SLC2A8: variants seen among roughly 807,000 people sequenced by gnomAD.
The protein encoded by SLC2A8 is solute carrier family 2, facilitated glucose transporter member 8.
SLC2A8 carries 53 observed loss-of-function variants against 49.2 expected under a neutral mutation model. The observed-to-expected ratio is 1.08, with a 90% CI of 0.86 to 1.35. The LOEUF (loss-of-function observed/expected upper bound fraction) is 1.35, where lower values mean the gene tolerates loss of function less well. Ranked by LOEUF, SLC2A8 falls within the 40% of genes most tolerant of loss-of-function variation. The pLI, the probability that SLC2A8 is intolerant of heterozygous loss-of-function variation, is 0.00. For missense variants in SLC2A8, 688 were observed against 671.7 expected, an observed-to-expected ratio of 1.02 and a Z score of -0.27; for synonymous variants, 299 against 297.0, an observed-to-expected ratio of 1.01 and a Z score of -0.07.
rs1408062991 is a variant in SLC2A8, at chr9:127,397,199, C to G, written c.-32C>G. ...CGCAGGGCCCGTGGCGGTTCAGGCGCCAGAGCTGGCCGATCGGCGTTGGCC... is the reference window on the plus strand; with the variant it reads ...CGCAGGGCCCGTGGCGGTTCAGGCGGCAGAGCTGGCCGATCGGCGTTGGCC... On this transcript the variant is annotated 5_prime_UTR_variant, in exon 1 of 10. Transcript: ENST00000373371. 2 of 1,452,054 alleles carry G rather than the reference C, an allele frequency of 1.4e-6. No homozygotes were observed. Among genetic ancestry groups the G allele is most frequent in the East Asian group, 3.0e-5 (1 of 33,186 alleles). 89.9% of individuals were successfully genotyped at this position (1,452,054 alleles called of 1,614,324 possible).
rs1303627931 is a variant in SLC2A8 at position 127,407,866 on chromosome 9, C to G, written c.*617C>G. On this transcript the variant is annotated 3_prime_UTR_variant, in exon 10 of 10. Coordinates refer to ENST00000373371, the MANE Select transcript of SLC2A8 (RefSeq NM_014580.5). The stretch of plus-strand genomic sequence containing the variant: ...AATCTTGTTGAGTTTAAAAAATAAA[C>G]AGCAAAAAAAAACAAAACAAAACAA... 8.5e-6 allele frequency: 1 copy of G among 118,276 alleles called. No homozygotes were observed. Among genetic ancestry groups the G allele is most frequent in the Non-Finnish European group, 1.8e-5 (1 of 55,200 alleles). The allele number at this position is 118,276 out of a possible 1,614,324, so 7.3% of individuals were successfully genotyped here.
chr9:127,405,562 C>T lies in SLC2A8; in HGVS notation c.1293C>T (p.Leu431=), dbSNP rs1228683445. Residue 431 remains leucine (L), a synonymous_variant, in exon 9 of 10, where the codon CTC becomes CTT. Coordinates refer to ENST00000373371, the MANE Select transcript of SLC2A8 (RefSeq NM_014580.5). ...AFLVTKEFSS[L]MEVLRPYGAF... is the part of the protein sequence containing the mutation. ...TCGTGACCAAGGAGTTCAGCAGCCT[C>T]ATGGTGAGGGCAGGCTCCACCAGCA... 6.2e-6 allele frequency: 10 copies of T among 1,612,994 alleles called. No homozygotes were observed. In the Admixed American group the frequency reaches 1.0e-4, roughly 16 times the overall value.
At chr9:127,405,173 C>T (rs1402887405) in intron 8 of SLC2A8, among the ~76,000 whole-genome samples, 182 bp downstream of exon 8, 2 of 152,234 alleles carry the variant, frequency 1.3e-5, no homozygotes, top group Non-Finnish European at 2.9e-5. Flanking sequence ...GTTCCTTTCA[C>T]TTAATCCCCT....
In SLC2A8 at chr9:127,404,185, C is replaced by T. The variant is rs560282498; in HGVS notation, c.976+118C>T. On this transcript the variant is annotated intron_variant, in intron 7 of 9. Transcript: ENST00000373371. The stretch of plus-strand genomic sequence containing the variant: ...TGATGACAAACATCATGGACTAATG[C>T]GGCCATGATTTGACAGCAGCTTGTC... The T allele has an allele frequency of 4.0e-5, 28 of 698,270 alleles. 2 individuals carry two copies. The highest frequency in any genetic ancestry group is 3.4e-4 in the South Asian group (18 of 53,296). 43.3% of individuals were successfully genotyped at this position (698,270 alleles called of 1,614,324 possible).
chr9:127,402,393 G>C, intron 4 of SLC2A8, 164 bp from the exon 5 acceptor site: 1 of 1,131,800 alleles, frequency 8.8e-7, no homozygotes, highest in South Asian at 1.9e-5. Context: ...CGTGCCATGT[G>C]CCTTCATGAA....
chr9:127,407,434 A>G lies in SLC2A8; in HGVS notation c.*185A>G. ...TAGGAGGCTCACTGCCTCCTGTTCC[A>G]GCTCCTGCTGCTGCTCTGAGGACTC... On this transcript the variant is annotated 3_prime_UTR_variant, in exon 10 of 10. Coordinates refer to ENST00000373371, the MANE Select transcript of SLC2A8 (RefSeq NM_014580.5). 2 of 756,468 alleles carry G rather than the reference A, an allele frequency of 2.6e-6. No individual in the cohort carries two copies. Among genetic ancestry groups the G allele is most frequent in the Non-Finnish European group, 4.7e-6 (2 of 424,534 alleles). 46.9% of individuals were successfully genotyped at this position (756,468 alleles called of 1,614,324 possible).
intron 3 of SLC2A8, among the ~76,000 whole-genome samples, chr9:127,398,833 G>C (rs969236479): frequency 8.5e-5 from 13 of 152,194 alleles, no homozygotes; most frequent in Admixed American, 5.9e-4. Context: ...ACTGGATCCT[G>C]ACAGCTTGGT....
rs1314664232 is a variant in SLC2A8, at chr9:127,398,030, C to T, written c.345C>T (p.Thr115=). The T allele has an allele frequency of 1.3e-6, 2 of 1,579,810 alleles. No individual in the cohort carries two copies. Among genetic ancestry groups the T allele is most frequent in the Admixed American group, 1.7e-5 (1 of 57,452 alleles). Reference sequence around the variant, plus strand: ...TCGTGGCCGGCTTTGCCGTCATCACCGCGGCCCAGGACGTGTGGATGCTGC... The same window carrying T: ...TCGTGGCCGGCTTTGCCGTCATCACTGCGGCCCAGGACGTGTGGATGCTGC... ...VPFVAGFAVI[T]AAQDVWMLLG... The change falls in exon 3 of 10, where the codon ACC becomes ACT. Residue 115 remains threonine, a synonymous_variant. Transcript: ENST00000373371.
intron 5 of SLC2A8, 143 bp downstream of exon 5, chr9:127,402,896 A>G: frequency 9.3e-7 from 1 of 1,077,670 alleles, no homozygotes; most frequent in South Asian, 1.7e-5. Context: ...GGACAGGCCC[A>G]GTGTGTCCTG....
rs1833121878 is a variant in SLC2A8, at chr9:127,398,207, T to A, written c.426+96T>A. 7 of 1,300,142 alleles carry A rather than the reference T, an allele frequency of 5.4e-6. No homozygotes were observed. The African/African-American group carries it at 5.8e-5, about 11-fold the overall frequency. 80.5% of individuals were successfully genotyped at this position (1,300,142 alleles called of 1,614,324 possible). On this transcript the variant is annotated intron_variant, in intron 3 of 9. Transcript: ENST00000373371. ...CCAGGCCTGGGGGCGCGGCTCCCCCTGGCGGGACCTTCTGGGTGCCAGGCT... is the reference window on the plus strand; with the variant it reads ...CCAGGCCTGGGGGCGCGGCTCCCCCAGGCGGGACCTTCTGGGTGCCAGGCT...
intron 9 of SLC2A8, among the ~76,000 whole-genome samples, chr9:127,406,368 T>G (rs1439183442): frequency 2.0e-5 from 3 of 152,054 alleles, no homozygotes; most frequent in Admixed American, 2.0e-4. Context: ...TAGGCAGGAC[T>G]GCCCGGGGAG....
intron 7 of SLC2A8, chr9:127,404,552 C>T (rs1479863999): frequency 4.1e-6 from 2 of 482,554 alleles, no homozygotes; most frequent in Non-Finnish European, 7.4e-6. Flanking sequence ...ACCGTCGGGG[C>T]TGAGGGTTAC....
Position 127,398,885 on chromosome 9 carries a change from C to T in SLC2A8, c.426+774C>T, listed in dbSNP as rs370410737. Among the ~76,000 whole-genome samples the T allele has an allele frequency of 9.9e-5, 15 of 152,278 alleles. No homozygotes were observed. The East Asian group carries it at 1.4e-3, about 14-fold the overall frequency. Reference sequence around the variant, plus strand: ...CCAGCCATGGGCTTGGACAATATCTCCCCCAAGTGAGGTTGAAAGCAGCCA... The same window carrying T: ...CCAGCCATGGGCTTGGACAATATCTTCCCCAAGTGAGGTTGAAAGCAGCCA... On this transcript the variant is annotated intron_variant, in intron 3 of 9. Transcript: ENST00000373371.
chr9:127,403,589 T>A, intron 5 of SLC2A8, 71 bp from the exon 6 acceptor site: 1 of 1,586,258 alleles, frequency 6.3e-7, no homozygotes, highest in Non-Finnish European at 8.6e-7. Context: ...CTTAGGACAG[T>A]AGACCCCCAG....
In SLC2A8 at chr9:127,397,674, A is replaced by G; in HGVS notation, c.219+136A>G. On this transcript the variant is annotated intron_variant, in intron 2 of 9. Coordinates refer to ENST00000373371, the MANE Select transcript of SLC2A8 (RefSeq NM_014580.5). Reference sequence around the variant, plus strand: ...CGCCGCCACCACCTTTCCCCACGAGACAGGCATTGGGCCTCTCTGCCCCCC... The same window carrying G: ...CGCCGCCACCACCTTTCCCCACGAGGCAGGCATTGGGCCTCTCTGCCCCCC... The G allele has an allele frequency of 4.0e-6, 5 of 1,240,510 alleles. No homozygotes were observed. The South Asian group carries it at 9.1e-5, about 22-fold the overall frequency. 76.8% of individuals were successfully genotyped at this position (1,240,510 alleles called of 1,614,324 possible).
At chr9:127,398,382 C>G in intron 3 of SLC2A8, 1 of 758,506 alleles carries the variant, frequency 1.3e-6, no homozygotes, top group East Asian at 2.5e-5. Flanking sequence ...AGAGGGGAAG[C>G]AGTTGCAGGA....
Position 127,397,421 on chromosome 9 carries a change from C to T in SLC2A8, c.102C>T (p.Ala34=). 6.7e-7 allele frequency: 1 copy of T among 1,485,954 alleles called. No homozygotes were observed. The highest frequency in any genetic ancestry group is 1.3e-5 in the South Asian group (1 of 78,882). 92.0% of individuals were successfully genotyped at this position (1,485,954 alleles called of 1,614,324 possible). ...TCTTCCTCGCCGCCTTCGCCGCTGC[C>T]CTGGGCCCACTCAGCTTCGGCTTCG... ...RRVFLAAFAA[A]LGPLSFGFAL... Residue 34 remains alanine, a synonymous_variant, in exon 2 of 10, where the codon GCC becomes GCT. Coordinates refer to ENST00000373371, the MANE Select transcript of SLC2A8 (RefSeq NM_014580.5).
chr9:127,402,705 G>C lies in SLC2A8; in HGVS notation c.675G>C (p.Leu225=). The C allele has an allele frequency of 6.4e-7, 1 of 1,562,310 alleles. No individual in the cohort carries two copies. The highest frequency in any genetic ancestry group is 1.4e-5 in the African/African-American group (1 of 74,060). The change falls in exon 5 of 10, where the codon CTG becomes CTC. Residue 225 remains leucine, a synonymous_variant. Coordinates refer to ENST00000373371, the MANE Select transcript of SLC2A8 (RefSeq NM_014580.5). ...AGGCCATGGCCGCCCTGCGGTTCCT[G>C]TGGGGCTCCGAGCAGGGCTGGGAAG... is the stretch of plus-strand genomic sequence containing the variant. The part of the protein sequence containing the change: ...RQEAMAALRF[L]WGSEQGWEDP...
Position 127,397,197 on chromosome 9 carries a change from C to T in SLC2A8, c.-34C>T. Reference sequence around the variant, plus strand: ...CTCGCAGGGCCCGTGGCGGTTCAGGCGCCAGAGCTGGCCGATCGGCGTTGG... The same window carrying T: ...CTCGCAGGGCCCGTGGCGGTTCAGGTGCCAGAGCTGGCCGATCGGCGTTGG... On this transcript the variant is annotated 5_prime_UTR_variant, in exon 1 of 10. Coordinates refer to ENST00000373371, the MANE Select transcript of SLC2A8 (RefSeq NM_014580.5). The T allele has an allele frequency of 2.1e-6, 3 of 1,450,938 alleles. No homozygotes were observed. Among genetic ancestry groups the T allele is most frequent in the Admixed American group, 2.8e-5 (1 of 35,986 alleles). 89.9% of individuals were successfully genotyped at this position (1,450,938 alleles called of 1,614,324 possible).
Sources: allele counts gnomAD v4.1 joint callset (sites outside exome capture counted in the v4.1 genomes callset), GRCh38; gene constraint gnomAD v4.1.1; transcripts MANE v1.5; gene names NCBI Gene and HGNC (gene_info 2026-07-23, HGNC 2026-07-21).